COL22A1: variants seen among roughly 807,000 people sequenced by gnomAD.
COL22A1 encodes the protein collagen type XXII alpha 1 chain, also known as collagen alpha-1(XXII) chain.
Under a neutral mutation model 248.9 loss-of-function variants are expected in COL22A1, and 221 were observed. That is an observed-to-expected ratio of 0.89 (90% CI 0.80 to 0.99). The LOEUF (loss-of-function observed/expected upper bound fraction) is 0.99. Ranked by LOEUF, COL22A1 falls within the 50% of genes least tolerant of loss-of-function variation. The probability of loss-of-function intolerance (pLI) is 0.00; values close to 1 mark genes in which losing one functional copy is unlikely to be tolerated. For missense variants in COL22A1, 2,240 were observed against 2,179.0 expected (o/e 1.03, Z -0.56); for synonymous variants, 891 against 793.4 (o/e 1.12, Z -2.07).
chr8:138,695,574 G>A (rs1334651137), intron 32 of COL22A1, among the ~76,000 whole-genome samples: 3 of 152,026 alleles, frequency 2.0e-5, no homozygotes, highest in Admixed American at 6.5e-5. Flanking sequence ...GGGACAGACT[G>A]GGGGTTGAAC....
intron 1 of COL22A1, among the ~76,000 whole-genome samples, chr8:138,900,486 C>T (rs1259159112): frequency 6.6e-6 from 1 of 152,172 alleles, no homozygotes; most frequent in African/African-American, 2.4e-5. Context: ...CTATGGAATT[C>T]AAAAATATTA....
chr8:138,853,576 T>C (rs1821795961), intron 3 of COL22A1, among the ~76,000 whole-genome samples: 1 of 152,146 alleles, frequency 6.6e-6, no homozygotes, highest in Non-Finnish European at 1.5e-5. Context: ...TGGGGTGCCA[T>C]GAGAGAGCAT....
intron 7 of COL22A1, among the ~76,000 whole-genome samples, chr8:138,815,745 C>T (rs1313636875): frequency 1.3e-5 from 2 of 152,222 alleles, no homozygotes; most frequent in Non-Finnish European, 2.9e-5. Flanking sequence ...AAGTGCCGTA[C>T]AATCGATGGC....
intron 30 of COL22A1, among the ~76,000 whole-genome samples, chr8:138,711,660 C>T (rs565725150): frequency 1.7e-4 from 26 of 152,308 alleles, no homozygotes; most frequent in Non-Finnish European, 1.0e-4. Context: ...AAGTCCTCAG[C>T]CTCCAGCCCC....
At chr8:138,592,718 C>G (rs1023070695) in intron 63 of COL22A1, among the ~76,000 whole-genome samples, 5 of 144,906 alleles carry the variant, frequency 3.5e-5, no homozygotes, top group African/African-American at 1.4e-4. Flanking sequence ...TTTCCCTGCC[C>G]CATGCTTATT....
intron 12 of COL22A1, among the ~76,000 whole-genome samples, chr8:138,783,698 T>C (rs763096549): frequency 3.3e-5 from 5 of 152,146 alleles, no homozygotes; most frequent in Non-Finnish European, 7.4e-5. Flanking sequence ...ACACGGCCAC[T>C]GTGAAAAGTT....
At chr8:138,658,425 G>A (rs117655052) in intron 44 of COL22A1, among the ~76,000 whole-genome samples, 2,037 of 152,322 alleles carry the variant, frequency 0.013, 13 homozygotes, top group Non-Finnish European at 0.022. Flanking sequence ...CCTCCAGAGA[G>A]GATGAAGATC....
At chr8:138,855,835 G>A (rs1298711201) in intron 3 of COL22A1, among the ~76,000 whole-genome samples, 2 of 152,294 alleles carry the variant, frequency 1.3e-5, no homozygotes, top group Middle Eastern at 3.4e-3. Context: ...TGTCCCCACC[G>A]ACGTAGCTTC....
chr8:138,752,879 G>A (rs968474206), intron 21 of COL22A1, among the ~76,000 whole-genome samples: 2 of 152,216 alleles, frequency 1.3e-5, no homozygotes, highest in African/African-American at 4.8e-5. Context: ...CCCCGAGCTA[G>A]GTGCTGCTGC....
At chr8:138,816,543 T>C (rs1818702939) in intron 7 of COL22A1, among the ~76,000 whole-genome samples, 1 of 152,100 alleles carries the variant, frequency 6.6e-6, no homozygotes, top group Admixed American at 6.5e-5. Flanking sequence ...GGAAACCAAT[T>C]AGGGAGCACA....
At chr8:138,890,934 G>T (rs1174036395) in intron 1 of COL22A1, among the ~76,000 whole-genome samples, 1 of 151,852 alleles carries the variant, frequency 6.6e-6, no homozygotes, top group Admixed American at 6.6e-5. Context: ...GAGGCAGGAT[G>T]ATTGCTTGAA....
In COL22A1 at chr8:138,878,279, C is replaced by T. The variant is rs1823905726; in HGVS notation, c.129G>A (p.Leu43=). 1.3e-6 allele frequency: 2 copies of T among 1,577,308 alleles called. No individual in the cohort carries two copies. Among genetic ancestry groups the T allele is most frequent in the Non-Finnish European group, 1.7e-6 (2 of 1,161,282 alleles). The change falls in exon 3 of 65, where the codon CTG becomes CTA. Residue 43 remains leucine, a synonymous_variant. Transcript: ENST00000303045. ...CCTTGCCCACGCTGGAGGAGGTGTCCAGGAGGAAGACCAGATCGTAGTGGA... is the reference window on the plus strand; with the variant it reads ...CCTTGCCCACGCTGGAGGAGGTGTCTAGGAGGAAGACCAGATCGTAGTGGA... ...KSVHYDLVFL[L]DTSSSVGKED...
chr8:138,891,014 T>G (rs1825026320), intron 1 of COL22A1, among the ~76,000 whole-genome samples: 1 of 151,120 alleles, frequency 6.6e-6, no homozygotes, highest in South Asian at 2.1e-4. Context: ...AGAGTGAGAC[T>G]CCGTATAAAA....
Position 138,768,722 on chromosome 8 carries a change from G to A in COL22A1, c.1804-6256C>T, listed in dbSNP as rs148749537. ...GGAGGTCGAGGCAGGCAGATCAAGAGGTCAGGAGTTTGAGACCAGCCTGGC... is the reference window on the plus strand; with the variant it reads ...GGAGGTCGAGGCAGGCAGATCAAGAAGTCAGGAGTTTGAGACCAGCCTGGC... On this transcript the variant is annotated intron_variant, in intron 16 of 64. Transcript: ENST00000303045. Among the ~76,000 whole-genome samples the A allele has an allele frequency of 1.2e-3, 182 of 152,244 alleles. 1 individual carries two copies. The highest frequency in any genetic ancestry group is 4.1e-3 in the African/African-American group (171 of 41,550).
chr8:138,600,992 C>G (rs797014778), intron 60 of COL22A1, among the ~76,000 whole-genome samples: 1 of 152,314 alleles, frequency 6.6e-6, no homozygotes, highest in African/African-American at 2.4e-5. Context: ...AAAGGGTAGT[C>G]TAATGGCTCC....
chr8:138,684,544 G>A, intron 38 of COL22A1, 75 bp from the exon 39 acceptor site: 2 of 1,018,420 alleles, frequency 2.0e-6, no homozygotes, highest in Non-Finnish European at 3.1e-6. Context: ...GTGCCAGGCT[G>A]ACTGCATCCT....
intron 43 of COL22A1, among the ~76,000 whole-genome samples, chr8:138,660,992 A>G (rs1266782640): frequency 6.9e-6 from 1 of 144,920 alleles, no homozygotes; most frequent in Non-Finnish European, 1.5e-5. Flanking sequence ...ACACATACAC[A>G]CATACACATA....
chr8:138,903,700 C>T (rs1193942946), intron 1 of COL22A1, among the ~76,000 whole-genome samples: 5 of 152,178 alleles, frequency 3.3e-5, no homozygotes, highest in African/African-American at 1.2e-4. Flanking sequence ...AACCTCTCTC[C>T]TACTATCAGT....
chr8:138,712,838 G>A (rs987263659), intron 30 of COL22A1, among the ~76,000 whole-genome samples: 1 of 151,748 alleles, frequency 6.6e-6, no homozygotes, highest in African/African-American at 2.4e-5. Flanking sequence ...ACCAGCAGAG[G>A]GTAAGGGTTC....
Sources: gnomAD v4.1 joint callset for allele counts (sites outside exome capture counted in the v4.1 genomes callset) on GRCh38, gnomAD v4.1.1 for gene constraint, MANE v1.5 for transcripts, NCBI Gene and HGNC (gene_info 2026-07-23, HGNC 2026-07-21) for gene names.